OPCML: variants seen among roughly 807,000 people sequenced by gnomAD.
OPCML encodes the protein opioid binding protein/cell adhesion molecule like.
OPCML carries 13 observed loss-of-function variants against 37.8 expected under a neutral mutation model. The ratio of observed to expected loss-of-function variants is 0.34; its 90% confidence interval spans 0.22 to 0.55. OPCML has a LOEUF of 0.55. Among genes scored for constraint, OPCML ranks in the 20% least tolerant of loss-of-function variants. The probability of loss-of-function intolerance (pLI) is 0.91; values close to 1 mark genes in which losing one functional copy is unlikely to be tolerated. For synonymous variants in OPCML, 176 were observed against 168.8 expected, an observed-to-expected ratio of 1.04 and a Z score of -0.33; for missense variants, 341 against 435.6, an observed-to-expected ratio of 0.78 and a Z score of 1.93.
At chr11:133,308,188 C>G (rs151214631) in intron 1 of OPCML, among the ~76,000 whole-genome samples, 2 of 152,060 alleles carry the variant, frequency 1.3e-5, no homozygotes, top group African/African-American at 4.8e-5. Flanking sequence ...CCAAGGTGAA[C>G]AAAAATCACC....
At chr11:132,778,763 A>G (rs1245279987) in intron 2 of OPCML, among the ~76,000 whole-genome samples, 5 of 152,180 alleles carry the variant, frequency 3.3e-5, no homozygotes, top group Non-Finnish European at 5.9e-5. Context: ...CAAGGCCTAT[A>G]GAAATTAAAA....
At chr11:132,807,595 C>T (rs1939090888) in intron 2 of OPCML, among the ~76,000 whole-genome samples, 1 of 152,202 alleles carries the variant, frequency 6.6e-6, no homozygotes, top group African/African-American at 2.4e-5. Context: ...TCTTAAAGTG[C>T]TGTGGATTCC....
chr11:132,592,792 T>C (rs2096486601), intron 3 of OPCML, among the ~76,000 whole-genome samples: 1 of 152,208 alleles, frequency 6.6e-6, no homozygotes, highest in Non-Finnish European at 1.5e-5. Flanking sequence ...TCACAAATGA[T>C]TGATGACCAA....
At chr11:133,497,963 C>G (rs1226134045) in intron 1 of OPCML, among the ~76,000 whole-genome samples, 3 of 152,222 alleles carry the variant, frequency 2.0e-5, no homozygotes, top group Non-Finnish European at 1.5e-5. Context: ...ACCAGGGCAC[C>G]AGGGTCAGAA....
chr11:132,551,044 G>A (rs552386784), intron 3 of OPCML, among the ~76,000 whole-genome samples: 8 of 152,248 alleles, frequency 5.3e-5, no homozygotes, highest in South Asian at 2.1e-4. Context: ...TCCTGGATGC[G>A]CCTTACCCTG....
chr11:132,629,999 C>T (rs1296447953), intron 3 of OPCML, among the ~76,000 whole-genome samples: 2 of 152,082 alleles, frequency 1.3e-5, no homozygotes, highest in Non-Finnish European at 2.9e-5. Flanking sequence ...TTTTCAATGA[C>T]TATACTGGCG....
intron 2 of OPCML, among the ~76,000 whole-genome samples, chr11:132,782,432 T>C (rs1178373792): frequency 6.6e-6 from 1 of 152,216 alleles, no homozygotes; most frequent in Non-Finnish European, 1.5e-5. Flanking sequence ...GCAGGATAAA[T>C]GTTTCTTAGT....
intron 1 of OPCML, among the ~76,000 whole-genome samples, chr11:133,389,572 GTAA>G (rs1945126075): frequency 6.6e-6 from 1 of 152,084 alleles, no homozygotes; most frequent in Non-Finnish European, 1.5e-5. Flanking sequence ...TTCACAGGTG[GTAA>G]TTATTATTAT....
chr11:133,370,827 A>C (rs1417441103), intron 1 of OPCML, among the ~76,000 whole-genome samples: 1 of 152,226 alleles, frequency 6.6e-6, no homozygotes, highest in East Asian at 1.9e-4. Flanking sequence ...CAATGGGACT[A>C]TATTAAACTA....
rs1247808284 is a variant in OPCML at position 133,083,130 on chromosome 11, CCACGCACACACACGCACACACACA to C, written c.62-140144_62-140121del. ...GCGCACCACACTCACATCACACACA[CCACGCACACACACGCACACACACA>C]CACGCACACACCCCGCCGAGCGGGC... On this transcript the variant is annotated intron_variant, in intron 1 of 7. Coordinates refer to ENST00000524381, the MANE Select transcript of OPCML (RefSeq NM_001012393.5). Among the ~76,000 whole-genome samples, 605 of 152,070 alleles carry C rather than the reference CCACGCACACACACGCACACACACA, an allele frequency of 4.0e-3. 3 individuals are homozygous for C. Among genetic ancestry groups the C allele is most frequent in the African/African-American group, 0.013 (537 of 41,578 alleles).
chr11:133,354,757 G>T (rs1944244955), intron 1 of OPCML, among the ~76,000 whole-genome samples: 1 of 152,194 alleles, frequency 6.6e-6, no homozygotes, highest in Non-Finnish European at 1.5e-5. Flanking sequence ...TCCAGGATCA[G>T]TTGTTGCAAA....
rs149789531 is a variant in OPCML at position 132,555,551 on chromosome 11, G to T, written c.380-26365C>A. 1.9e-3 allele frequency among the ~76,000 whole-genome samples: 285 copies of T among 152,214 alleles called. 7 individuals are homozygous for T. In the East Asian group the frequency reaches 0.045, roughly 24 times the overall value. ...CAATTCAAGATGAGATTTGGGTGGG[G>T]TCATAGCCAAACCATATCAAAGGGG... On this transcript the variant is annotated intron_variant, in intron 3 of 7. Transcript: ENST00000524381.
chr11:132,756,731 T>C (rs925440470), intron 2 of OPCML, among the ~76,000 whole-genome samples: 4 of 152,234 alleles, frequency 2.6e-5, no homozygotes, highest in African/African-American at 9.6e-5. Flanking sequence ...GAATATAATT[T>C]ATAGAATGCC....
intron 2 of OPCML, among the ~76,000 whole-genome samples, chr11:132,940,996 A>G (rs902780526): frequency 2.0e-5 from 3 of 151,940 alleles, no homozygotes; most frequent in African/African-American, 7.3e-5. Context: ...CGCAAAATCA[A>G]CATGATACAT....
At chr11:133,004,171 C>T (rs925456270) in intron 1 of OPCML, 1 of 985,328 alleles carries the variant, frequency 1.0e-6, no homozygotes, top group African/African-American at 1.7e-5. Flanking sequence ...TCTCACTCCT[C>T]TGCCGTCTCA....
At chr11:132,837,700 A>G (rs1941096779) in intron 2 of OPCML, among the ~76,000 whole-genome samples, 1 of 152,110 alleles carries the variant, frequency 6.6e-6, no homozygotes, top group Admixed American at 6.5e-5. Flanking sequence ...AACAGGAAAG[A>G]CTCCACAGAG....
At chr11:132,585,868 A>G (rs745440269) in intron 3 of OPCML, among the ~76,000 whole-genome samples, 2 of 152,336 alleles carry the variant, frequency 1.3e-5, no homozygotes, top group African/African-American at 4.8e-5. Context: ...AAAGATTTCA[A>G]TAGAAATTCC....
chr11:132,475,276 T>A lies in OPCML; in HGVS notation c.506-37917A>T, dbSNP rs180915517. ...ATTGCATTTTTCTTAAGTGAGTCAG[T>A]GAGTGTACAGAAACAAAGGAGTTAT... On this transcript the variant is annotated intron_variant, in intron 4 of 7. Transcript: ENST00000524381. Among the ~76,000 whole-genome samples the A allele has an allele frequency of 2.4e-3, 364 of 152,288 alleles. 2 individuals are homozygous for A. Among genetic ancestry groups the A allele is most frequent in the African/African-American group, 6.6e-3 (275 of 41,566 alleles).
At chr11:133,253,843 C>CCCTTT (rs1565531382) in intron 1 of OPCML, among the ~76,000 whole-genome samples, 100 of 74,656 alleles carry the variant, frequency 1.3e-3, no homozygotes, top group Non-Finnish European at 1.7e-3. Context: ...CCCTTCCCTT[C>CCCTTT]CCTTCCCTTC....
Sources: gnomAD v4.1 joint callset for allele counts (sites outside exome capture counted in the v4.1 genomes callset) on GRCh38, gnomAD v4.1.1 for gene constraint, MANE v1.5 for transcripts, NCBI Gene and HGNC (gene_info 2026-07-23, HGNC 2026-07-21) for gene names.